Variants in PDZD8 observed in about 807,000 individuals in gnomAD.
The protein encoded by PDZD8 is PDZ domain-containing protein 8.
PDZD8 carries 14 observed loss-of-function variants against 85.8 expected under a neutral mutation model. The observed-to-expected ratio is 0.16, with a 90% CI of 0.11 to 0.26. The LOEUF is 0.26. Among genes scored for constraint, PDZD8 ranks in the 10% least tolerant of loss-of-function variants. PDZD8 has a pLI of 1.00. For synonymous variants in PDZD8, 592 were observed against 568.6 expected (o/e 1.04, Z -0.59); for missense variants, 1,197 against 1,424.3 (o/e 0.84, Z 2.57).
At chr10:117,361,953 T>C (rs1845006057) in intron 1 of PDZD8, among the ~76,000 whole-genome samples, 1 of 152,194 alleles carries the variant, frequency 6.6e-6, no homozygotes, top group Admixed American at 6.5e-5. Flanking sequence ...TGCCATTTTA[T>C]ATCAGGGACT....
intron 2 of PDZD8, among the ~76,000 whole-genome samples, chr10:117,335,899 G>A (rs948545518): frequency 6.6e-6 from 1 of 152,166 alleles, no homozygotes; most frequent in African/African-American, 2.4e-5. Flanking sequence ...ATGTTGTTGA[G>A]AGCCATGAAG....
intron 3 of PDZD8, among the ~76,000 whole-genome samples, chr10:117,308,272 C>G (rs1843977493): frequency 6.6e-6 from 1 of 152,030 alleles, no homozygotes; most frequent in African/African-American, 2.4e-5. Context: ...ACAACAACAA[C>G]AATACCACTA....
intron 1 of PDZD8, among the ~76,000 whole-genome samples, chr10:117,350,254 TTG>T (rs377407752): frequency 6.6e-5 from 6 of 91,312 alleles, no homozygotes; most frequent in Non-Finnish European, 1.4e-4. Context: ...TCTGTTTTTT[TTG>T]TTTGTTTGTT....
intron 1 of PDZD8, among the ~76,000 whole-genome samples, chr10:117,347,420 C>T (rs1029394744): frequency 6.6e-6 from 1 of 152,122 alleles, no homozygotes; most frequent in African/African-American, 2.4e-5. Context: ...AAGATGCCCC[C>T]TAGAGTTGTC....
intron 1 of PDZD8, among the ~76,000 whole-genome samples, chr10:117,356,376 A>G (rs1261126791): frequency 6.6e-6 from 1 of 152,236 alleles, no homozygotes; most frequent in Admixed American, 6.5e-5. Context: ...GAAAATAACT[A>G]AAGCAAGACA....
chr10:117,327,604 G>A (rs1302936174), intron 2 of PDZD8, among the ~76,000 whole-genome samples: 2 of 152,042 alleles, frequency 1.3e-5, no homozygotes, highest in Non-Finnish European at 2.9e-5. Context: ...ATTGCCCAGT[G>A]GGAGTTTTCA....
intron 2 of PDZD8, among the ~76,000 whole-genome samples, chr10:117,340,122 A>G (rs1844586333): frequency 6.6e-6 from 1 of 152,192 alleles, no homozygotes. Flanking sequence ...AGGCAAGATT[A>G]TTTCTGAGAT....
At chr10:117,324,869 T>C (rs1039999889) in intron 2 of PDZD8, among the ~76,000 whole-genome samples, 2 of 152,222 alleles carry the variant, frequency 1.3e-5, no homozygotes, top group Admixed American at 6.5e-5. Flanking sequence ...AAGTTCACTT[T>C]TGTGAGCAAA....
At chr10:117,310,746 A>C (rs1165448027) in intron 3 of PDZD8, among the ~76,000 whole-genome samples, 1 of 152,182 alleles carries the variant, frequency 6.6e-6, no homozygotes, top group East Asian at 1.9e-4. Context: ...GACATTTTCA[A>C]AAAGGCTTTA....
At chr10:117,321,971 A>C (rs1441325295) in intron 2 of PDZD8, among the ~76,000 whole-genome samples, 1 of 152,194 alleles carries the variant, frequency 6.6e-6, no homozygotes. Context: ...TAAAAATTTA[A>C]AGCATACAAA....
chr10:117,343,613 A>C (rs899747177), intron 1 of PDZD8, among the ~76,000 whole-genome samples: 19 of 152,364 alleles, frequency 1.2e-4, no homozygotes, highest in African/African-American at 4.6e-4. Context: ...CAACTGCTCT[A>C]AGAACCAGCT....
Position 117,299,438 on chromosome 10 carries a change from C to G in PDZD8, c.1099-9090G>C, listed in dbSNP as rs139153421. On this transcript the variant is annotated intron_variant, in intron 3 of 4. Coordinates refer to ENST00000334464, the MANE Select transcript of PDZD8 (RefSeq NM_173791.5). ...AGACTTTTAGATTTCTCTTCTTCCT[C>G]AGGAACACCAGTTATTTGTAGGTTT... is the stretch of plus-strand genomic sequence containing the variant. Among the ~76,000 whole-genome samples, 444 of 152,296 alleles carry G rather than the reference C, an allele frequency of 2.9e-3. 3 individuals carry two copies. Among genetic ancestry groups the G allele is most frequent in the African/African-American group, 0.01 (417 of 41,570 alleles).
At position 117,331,084 on chromosome 10, in the gene PDZD8, G is replaced by GTT. The variant is rs1204627404; in HGVS notation, c.995+9894_995+9895dup. 2.0e-5 allele frequency among the ~76,000 whole-genome samples: 3 copies of GTT among 152,210 alleles called. No individual in the cohort carries two copies. In the East Asian group the frequency reaches 5.8e-4, roughly 29 times the overall value. On this transcript the variant is annotated intron_variant, in intron 2 of 4. Coordinates refer to ENST00000334464, the MANE Select transcript of PDZD8 (RefSeq NM_173791.5). ...ATATAGTTGACTTATTTATGCATTTGTTTTTGTCTGTTAGCCCTAACTACA... is the reference window on the plus strand; with the variant it reads ...ATATAGTTGACTTATTTATGCATTTGTTTTTTTGTCTGTTAGCCCTAACTACA...
At chr10:117,360,713 T>G (rs796291073) in intron 1 of PDZD8, among the ~76,000 whole-genome samples, 7 of 151,888 alleles carry the variant, frequency 4.6e-5, no homozygotes, top group African/African-American at 1.7e-4. Flanking sequence ...CTCAACCTTG[T>G]GTCTTACAAT....
intron 3 of PDZD8, among the ~76,000 whole-genome samples, chr10:117,305,485 C>CACACACACACATATATACACACACAT (rs1843925162): frequency 2.1e-5 from 1 of 47,830 alleles, no homozygotes; most frequent in Non-Finnish European, 6.1e-5. Flanking sequence ...CACACACACA[C>CACACACACACATATATACACACACAT]ACACACACAC....
rs1811933641 is a variant in PDZD8 at position 117,290,418 on chromosome 10, C to CA, written c.1099-71dup. 5 of 1,243,642 alleles carry CA rather than the reference C, an allele frequency of 4.0e-6. No homozygotes were observed. The South Asian group carries it at 7.2e-5, about 18-fold the overall frequency. The allele number at this position is 1,243,642 out of a possible 1,614,324, so 77.0% of individuals were successfully genotyped here. The stretch of plus-strand genomic sequence containing the variant: ...TAGTAATAGAGGAAAAAAACAGTAA[C>CA]AGACTGTTATGTGCAGAGAGCACCA... On this transcript the variant is annotated intron_variant, in intron 3 of 4. Coordinates refer to ENST00000334464, the MANE Select transcript of PDZD8 (RefSeq NM_173791.5).
At chr10:117,358,245 T>G (rs1844934676) in intron 1 of PDZD8, among the ~76,000 whole-genome samples, 1 of 152,216 alleles carries the variant, frequency 6.6e-6, no homozygotes, top group Non-Finnish European at 1.5e-5. Flanking sequence ...TCTGTATTTA[T>G]TCATTTATAA....
intron 2 of PDZD8, among the ~76,000 whole-genome samples, chr10:117,338,731 C>A (rs1408087612): frequency 6.6e-6 from 1 of 152,152 alleles, no homozygotes; most frequent in Non-Finnish European, 1.5e-5. Flanking sequence ...CTTTTCTTTT[C>A]ATTTATCTCA....
chr10:117,341,728 A>ATTTCC (rs1468884697), intron 1 of PDZD8, among the ~76,000 whole-genome samples: 1 of 152,212 alleles, frequency 6.6e-6, no homozygotes, highest in Non-Finnish European at 1.5e-5. Flanking sequence ...CGCAGATTAA[A>ATTTCC]TTTTTAAAAA....
Sources: gnomAD v4.1 joint callset for allele counts (sites outside exome capture counted in the v4.1 genomes callset) on GRCh38, gnomAD v4.1.1 for gene constraint, MANE v1.5 for transcripts, NCBI Gene and HGNC (gene_info 2026-07-23, HGNC 2026-07-21) for gene names.